The following RAI14 variants were observed in gnomAD, a reference collection of about 807,000 sequenced individuals.
RAI14 encodes retinoic acid induced 14, also known as ankycorbin.
In RAI14, 45 loss-of-function variants were observed where a neutral mutation model predicts 115.4. That is an observed-to-expected ratio of 0.39 (90% confidence interval 0.31 to 0.50). The LOEUF (loss-of-function observed/expected upper bound fraction) is 0.50, where lower values mean the gene tolerates loss of function less well. Ranked by LOEUF, RAI14 falls within the 20% of genes least tolerant of loss-of-function variation. RAI14 has a pLI of 0.85. For missense variants in RAI14, 939 were observed against 1,131.2 expected (o/e 0.83, Z 2.44); for synonymous variants, 371 against 415.4 (o/e 0.89, Z 1.30).
intron 2 of RAI14, among the ~76,000 whole-genome samples, chr5:34,699,174 A>G (rs559260507): frequency 6.6e-6 from 1 of 152,258 alleles, no homozygotes; most frequent in Non-Finnish European, 1.5e-5. Flanking sequence ...ACACTTAGCT[A>G]CTAGGCATCA....
At chr5:34,702,988 G>A (rs1406699991) in intron 2 of RAI14, among the ~76,000 whole-genome samples, 1 of 152,202 alleles carries the variant, frequency 6.6e-6, no homozygotes, top group African/African-American at 2.4e-5. Flanking sequence ...TTATAGGCGT[G>A]AGCCACCATG....
intron 12 of RAI14, among the ~76,000 whole-genome samples, chr5:34,815,490 G>A (rs970554638): frequency 6.6e-6 from 1 of 152,190 alleles, no homozygotes; most frequent in African/African-American, 2.4e-5. Flanking sequence ...TTGAACCCAG[G>A]AGGCAGAGGT....
chr5:34,700,765 G>A (rs1481139736), intron 2 of RAI14, among the ~76,000 whole-genome samples: 3 of 152,154 alleles, frequency 2.0e-5, no homozygotes, highest in Non-Finnish European at 4.4e-5. Context: ...ATCTACCTGT[G>A]TGCTTATTTT....
At chr5:34,746,203 T>G (rs1186337581) in intron 2 of RAI14, among the ~76,000 whole-genome samples, 4 of 150,488 alleles carry the variant, frequency 2.7e-5, no homozygotes, top group African/African-American at 9.8e-5. Context: ...CCTCCCGGGT[T>G]CACGCCATTC....
Position 34,824,100 on chromosome 5 carries a change from A to G in RAI14, c.2258A>G (p.Asn753Ser), listed in dbSNP as rs571851373. 1.1e-5 allele frequency: 17 copies of G among 1,614,154 alleles called. No individual in the cohort carries two copies. In the South Asian group the frequency reaches 1.9e-4, roughly 18 times the overall value. ...AAAGAGATGGAAGAAAAAATAAGCA[A>G]TCTTAAGGAACACCTTGCAAGCAAG... ...AAKEMEEKISNLKEHLASKEV... is the reference protein window; with the variant it reads ...AAKEMEEKISSLKEHLASKEV... Residue 753 changes from asparagine (N) to serine (S), a missense_variant, in exon 15 of 18, where the codon AAT (asparagine) becomes AGT (serine). By Grantham distance (46) the Asn-to-Ser change is conservative (BLOSUM62 1). Transcript: ENST00000265109.
At chr5:34,665,184 T>C (rs1159003541) in intron 1 of RAI14, among the ~76,000 whole-genome samples, 1 of 54,242 alleles carries the variant, frequency 1.8e-5, no homozygotes, top group South Asian at 5.7e-4. Context: ...CACACATATA[T>C]ATATGTATAT....
intron 1 of RAI14, among the ~76,000 whole-genome samples, chr5:34,659,632 T>A (rs1427760492): frequency 6.6e-6 from 1 of 152,220 alleles, no homozygotes; most frequent in Non-Finnish European, 1.5e-5. Flanking sequence ...TTCTTTTTAC[T>A]ATAACAGTTT....
rs538367934 is a variant in RAI14, at chr5:34,731,216, T to G, written c.37-26252T>G. 4.6e-5 allele frequency among the ~76,000 whole-genome samples: 7 copies of G among 152,236 alleles called. No homozygotes were observed. In the South Asian group the frequency reaches 1.5e-3, roughly 32 times the overall value. ...TTTTTATCCCCCTTCTTACAGTGTT[T>G]GGTTATGTGGTTATGTTTTGTTTCT... On this transcript the variant is annotated intron_variant, in intron 2 of 17. Transcript: ENST00000265109.
chr5:34,736,136 C>CAA (rs138820341), intron 2 of RAI14, among the ~76,000 whole-genome samples: 22,915 of 152,252 alleles, frequency 0.15, 1,795 homozygotes, highest in South Asian at 0.21. Flanking sequence ...CGCGGTGACT[C>CAA]ACGCCTGTAA....
intron 2 of RAI14, among the ~76,000 whole-genome samples, chr5:34,740,727 C>T (rs1745409590): frequency 6.6e-6 from 1 of 152,182 alleles, no homozygotes; most frequent in East Asian, 1.9e-4. Context: ...GGCCCCTTGT[C>T]TCATGCTTTT....
intron 2 of RAI14, among the ~76,000 whole-genome samples, chr5:34,755,956 G>A (rs1363241584): frequency 6.6e-6 from 1 of 152,198 alleles, no homozygotes; most frequent in Non-Finnish European, 1.5e-5. Context: ...TGGACTTCAA[G>A]TTCACGCAGC....
intron 8 of RAI14, among the ~76,000 whole-genome samples, chr5:34,811,523 T>C (rs1043012466): frequency 1.3e-5 from 2 of 151,824 alleles, no homozygotes; most frequent in Non-Finnish European, 2.9e-5. Flanking sequence ...TGCCAAATAG[T>C]ATAGAAGATT....
chr5:34,819,082 T>C (rs978434723), intron 13 of RAI14, among the ~76,000 whole-genome samples: 1 of 152,218 alleles, frequency 6.6e-6, no homozygotes, highest in African/African-American at 2.4e-5. Flanking sequence ...CATCTTTATT[T>C]TCATTTGTCC....
At chr5:34,763,273 G>T (rs972249956) in intron 3 of RAI14, among the ~76,000 whole-genome samples, 2 of 152,072 alleles carry the variant, frequency 1.3e-5, no homozygotes, top group African/African-American at 4.8e-5. Context: ...TTCTTCTCAC[G>T]TACAGCTGCC....
chr5:34,732,687 C>T (rs1177813476), intron 2 of RAI14, among the ~76,000 whole-genome samples: 1 of 151,238 alleles, frequency 6.6e-6, no homozygotes, highest in African/African-American at 2.4e-5. Context: ...GATCCACCCT[C>T]CTGGCCTCCC....
intron 12 of RAI14, among the ~76,000 whole-genome samples, chr5:34,816,282 T>A (rs948975432): frequency 3.3e-5 from 5 of 152,274 alleles, no homozygotes; most frequent in African/African-American, 9.6e-5. Context: ...AAAGTTTTTT[T>A]AAAAAGAGAC....
chr5:34,774,114 A>C (rs1410310953), intron 3 of RAI14, among the ~76,000 whole-genome samples: 2 of 152,044 alleles, frequency 1.3e-5, no homozygotes, highest in East Asian at 3.9e-4. Flanking sequence ...GCAGTTTGGG[A>C]GGCTGAGGTG....
At chr5:34,663,177 A>T (rs1742833936) in intron 1 of RAI14, among the ~76,000 whole-genome samples, 1 of 152,226 alleles carries the variant, frequency 6.6e-6, no homozygotes, top group African/African-American at 2.4e-5. Context: ...CGTCTTTGAC[A>T]TCAGGCCCAC....
At chr5:34,662,804 C>T (rs976254309) in intron 1 of RAI14, among the ~76,000 whole-genome samples, 2 of 141,740 alleles carry the variant, frequency 1.4e-5, no homozygotes, top group Non-Finnish European at 3.0e-5. Flanking sequence ...TCTCGGCTCA[C>T]TGCAACCTCC....
Sources: allele counts gnomAD v4.1 joint callset (sites outside exome capture counted in the v4.1 genomes callset), GRCh38; gene constraint gnomAD v4.1.1; transcripts MANE v1.5; gene names NCBI Gene and HGNC (gene_info 2026-07-23, HGNC 2026-07-21).